COPG1: variants seen among roughly 807,000 people sequenced by gnomAD.
The protein encoded by COPG1 is coat protein complex I subunit gamma 1.
COPG1 carries 29 observed loss-of-function variants against 102.8 expected under a neutral mutation model. The ratio of observed to expected loss-of-function variants is 0.28; its 90% CI spans 0.21 to 0.38. The LOEUF is 0.38. COPG1 is among the 10% of genes least tolerant of loss of function. COPG1 has a pLI of 1.00. For missense variants in COPG1, 875 were observed against 1,132.7 expected, an observed-to-expected ratio of 0.77 and a Z score of 3.27; for synonymous variants, 406 against 421.6, an observed-to-expected ratio of 0.96 and a Z score of 0.45.
In COPG1 at chr3:129,274,866, A is replaced by G; in HGVS notation, c.2285A>G (p.Asp762Gly). The G allele has an allele frequency of 6.2e-7, 1 of 1,614,174 alleles. No individual in the cohort carries two copies. Among genetic ancestry groups the G allele is most frequent in the Non-Finnish European group, 8.5e-7 (1 of 1,180,016 alleles). ...VLEDLEVTVA[D>G]HIQKVMKLNF... ...GAAGATCTGGAAGTTACTGTAGCTG[A>G]TCACATTCAAAAGGTCATGAAACTG... Residue 762 changes from aspartate (D) to glycine (G), a missense_variant, in exon 22 of 24, where the codon GAT becomes GGT. By Grantham distance (94) the Asp-to-Gly change is moderately conservative (BLOSUM62 -1). Coordinates refer to ENST00000314797, the MANE Select transcript of COPG1 (RefSeq NM_016128.4).
intron 14 of COPG1, among the ~76,000 whole-genome samples, chr3:129,266,639 G>A (rs1355607661): frequency 6.6e-6 from 1 of 152,006 alleles, no homozygotes; most frequent in Non-Finnish European, 1.5e-5. Context: ...TTAAGTAATT[G>A]TTCCCTTTCT....
At position 129,275,108 on chromosome 3, in the gene COPG1, T is replaced by G; in HGVS notation, c.2396-86T>G. On this transcript the variant is annotated intron_variant, in intron 22 of 23. Coordinates refer to ENST00000314797, the MANE Select transcript of COPG1 (RefSeq NM_016128.4). The surrounding 1 kb of genome is among the most constrained non-coding windows in gnomAD (Gnocchi z 5.0). ...AGCACATATGTCAAATGCCACTTCA[T>G]TAAAAGCCCTTCAGAACATGGGGGA... The G allele has an allele frequency of 2.0e-6, 3 of 1,506,290 alleles. No individual in the cohort carries two copies. The highest frequency in any genetic ancestry group is 2.8e-6 in the Non-Finnish European group (3 of 1,086,950). The allele number at this position is 1,506,290 out of a possible 1,614,324, so 93.3% of individuals were successfully genotyped here.
chr3:129,260,373 C>T lies in COPG1; in HGVS notation c.912C>T (p.Arg304=), dbSNP rs746062966. ...LFCSSPKAAL[R]YAAVRTLNKV... is the part of the protein sequence containing the mutation. ...GCAGCTCACCCAAGGCTGCTCTCCG[C>T]TATGCTGCTGTTCGTACCCTCAATA... The change falls in exon 11 of 24, where the codon CGC becomes CGT. Residue 304 remains arginine, a synonymous_variant. Coordinates refer to ENST00000314797, the MANE Select transcript of COPG1 (RefSeq NM_016128.4). 1.2e-6 allele frequency: 2 copies of T among 1,614,180 alleles called. No individual in the cohort carries two copies. Among genetic ancestry groups the T allele is most frequent in the Non-Finnish European group, 1.7e-6 (2 of 1,180,016 alleles).
chr3:129,270,115 CT>C (rs1381025071), intron 18 of COPG1, among the ~76,000 whole-genome samples: 1 of 150,096 alleles, frequency 6.7e-6, no homozygotes, highest in Non-Finnish European at 1.5e-5. Flanking sequence ...CTGGCCCCCC[CT>C]GGATAATCCA....
intron 5 of COPG1, chr3:129,253,196 C>T (rs1939735966): frequency 4.4e-6 from 2 of 454,850 alleles, no homozygotes; most frequent in Non-Finnish European, 8.0e-6. Context: ...TCAACCAAAC[C>T]AGCTTAGAAC....
At chr3:129,263,851 T>TCACC in intron 12 of COPG1, 53 bp from the exon 13 acceptor site, 1 of 1,506,492 alleles carries the variant, frequency 6.6e-7, no homozygotes, top group Non-Finnish European at 9.2e-7. Context: ...GGGAACTGAG[T>TCACC]CACCCCATCT....
At chr3:129,254,839 AG>A in intron 6 of COPG1, 96 bp downstream of exon 6, 1 of 1,271,938 alleles carries the variant, frequency 7.9e-7, no homozygotes, top group Non-Finnish European at 1.1e-6. Context: ...TCACTGAGCC[AG>A]GTGATGTGGG....
chr3:129,272,644 C>T (rs748088702), intron 20 of COPG1, among the ~76,000 whole-genome samples, 163 bp from the exon 21 acceptor site: 1 of 152,044 alleles, frequency 6.6e-6, no homozygotes, highest in African/African-American at 2.4e-5. Flanking sequence ...AAGGTGGCAC[C>T]CTCTGTCCAG....
At chr3:129,261,590 T>C (rs1396704107) in intron 12 of COPG1, among the ~76,000 whole-genome samples, 1 of 152,052 alleles carries the variant, frequency 6.6e-6, no homozygotes, top group Non-Finnish European at 1.5e-5. Flanking sequence ...CAAAGAAATA[T>C]ACTGAGAAGT....
chr3:129,272,766 G>A lies in COPG1; in HGVS notation c.2159-41G>A, dbSNP rs1267950668. On this transcript the variant is annotated intron_variant, in intron 20 of 23. Coordinates refer to ENST00000314797, the MANE Select transcript of COPG1 (RefSeq NM_016128.4). ...CTGCAGGAGGAGCCCATCCCCTGCA[G>A]GCTGGGGACATCCTAACTACCCAGC... 6.7e-6 allele frequency: 9 copies of A among 1,347,546 alleles called. No individual in the cohort carries two copies. The Admixed American group carries it at 6.8e-5, about 10-fold the overall frequency. The allele number at this position is 1,347,546 out of a possible 1,614,324, so 83.5% of individuals were successfully genotyped here.
rs1940240653 is a variant in COPG1 at position 129,275,079 on chromosome 3, C to A, written c.2395+103C>A. Reference sequence around the variant, plus strand: ...TCTCTCCAAGGATCCAGGGCCATGTCTGGAGCACATATGTCAAATGCCACT... The same window carrying A: ...TCTCTCCAAGGATCCAGGGCCATGTATGGAGCACATATGTCAAATGCCACT... On this transcript the variant is annotated intron_variant, in intron 22 of 23. Coordinates refer to ENST00000314797, the MANE Select transcript of COPG1 (RefSeq NM_016128.4). This position sits in a 1 kb window ranked among gnomAD's most constrained non-coding sequence, Gnocchi z 5.0. 1 of 1,512,206 alleles carries A rather than the reference C, an allele frequency of 6.6e-7. No individual in the cohort carries two copies. The highest frequency in any genetic ancestry group is 1.2e-5 in the South Asian group (1 of 85,956). 93.7% of individuals were successfully genotyped at this position (1,512,206 alleles called of 1,614,324 possible).
chr3:129,253,696 TA>T (rs1277938938), intron 5 of COPG1, among the ~76,000 whole-genome samples: 1 of 152,108 alleles, frequency 6.6e-6, no homozygotes, highest in Admixed American at 6.6e-5. Context: ...TAAGAAATAG[TA>T]GGACAGGACA....
rs758107103 is a variant in COPG1, at chr3:129,272,320, A to T, written c.2063A>T (p.Glu688Val). ...TVQMEPTEAY[E>V]VLCYVPARSL... is the part of the protein sequence containing the mutation. ...CAGATGGAGCCCACTGAGGCCTATG[A>T]GGTGCTCTGTTACGTGCCTGCCCGG... The change falls in exon 20 of 24, where the codon GAG (glutamate) becomes GTG (valine). Residue 688 changes from glutamate to valine, a missense_variant. Coordinates refer to ENST00000314797, the MANE Select transcript of COPG1 (RefSeq NM_016128.4). 29 of 1,613,982 alleles carry T rather than the reference A, an allele frequency of 1.8e-5. No homozygotes were observed. Among genetic ancestry groups the T allele is most frequent in the Non-Finnish European group, 2.5e-5 (29 of 1,179,874 alleles).
chr3:129,257,968 G>A (rs949090927), intron 10 of COPG1, 108 bp downstream of exon 10: 2 of 1,428,020 alleles, frequency 1.4e-6, no homozygotes, highest in African/African-American at 2.8e-5. Flanking sequence ...CAAGTGTTAA[G>A]GAGTCTGTAC....
rs139016263 is a variant in COPG1, at chr3:129,254,716, C to T, written c.372C>T (p.Ala124=). 776 of 1,614,104 alleles carry T rather than the reference C, an allele frequency of 4.8e-4. 9 individuals are homozygous for T. The East Asian group carries it at 0.015, about 32-fold the overall frequency. The change falls in exon 6 of 24, where the codon GCC becomes GCT. Residue 124 remains alanine, a synonymous_variant. Coordinates refer to ENST00000314797, the MANE Select transcript of COPG1 (RefSeq NM_016128.4). ...AAGAAGACAACTACCGGGGCCCGGCCGTGCGAGCCCTCTGCCAGATCACTG... is the reference window on the plus strand; with the variant it reads ...AAGAAGACAACTACCGGGGCCCGGCTGTGCGAGCCCTCTGCCAGATCACTG... The part of the protein sequence containing the change: ...TGKEDNYRGP[A]VRALCQITDS...
chr3:129,269,008 A>G lies in COPG1; in HGVS notation c.1843+8A>G. ...GGCAGGAGATCTTCCAGGGTGAGTCACAGTGGTTGGGGGATGCTTGGGACC... is the reference window on the plus strand; with the variant it reads ...GGCAGGAGATCTTCCAGGGTGAGTCGCAGTGGTTGGGGGATGCTTGGGACC... On this transcript the variant is annotated splice_region_variant and intron_variant, in intron 18 of 23. Transcript: ENST00000314797. 3 of 1,613,708 alleles carry G rather than the reference A, an allele frequency of 1.9e-6. No homozygotes were observed. The highest frequency in any genetic ancestry group is 2.2e-5 in the South Asian group (2 of 91,074).
At position 129,277,601 on chromosome 3, in the gene COPG1, C is replaced by T. The variant is rs1174333672; in HGVS notation, c.*177C>T. 195 of 302,526 alleles carry T rather than the reference C, an allele frequency of 6.4e-4. No individual in the cohort carries two copies. Among genetic ancestry groups the T allele is most frequent in the Middle Eastern group, 1.0e-3 (1 of 962 alleles). 18.7% of individuals were successfully genotyped at this position (302,526 alleles called of 1,614,324 possible). ...CCCACCCGGGACTACTTGCTGGTGA[C>T]TTTTTTTTTTTTTTTTTTTAAATAG... On this transcript the variant is annotated 3_prime_UTR_variant, in exon 24 of 24. Coordinates refer to ENST00000314797, the MANE Select transcript of COPG1 (RefSeq NM_016128.4).
At position 129,277,601 on chromosome 3, in the gene COPG1, C is replaced by CT. The variant is rs35073725; in HGVS notation, c.*196dup. ...CCCACCCGGGACTACTTGCTGGTGACTTTTTTTTTTTTTTTTTTTAAATAG... is the reference window on the plus strand; with the variant it reads ...CCCACCCGGGACTACTTGCTGGTGACTTTTTTTTTTTTTTTTTTTTAAATAG... On this transcript the variant is annotated 3_prime_UTR_variant, in exon 24 of 24. Coordinates refer to ENST00000314797, the MANE Select transcript of COPG1 (RefSeq NM_016128.4). 120,545 of 301,052 alleles carry CT rather than the reference C, an allele frequency of 0.4. 19,582 individuals are homozygous for CT. The highest frequency in any genetic ancestry group is 0.49 in the East Asian group (7,412 of 15,018). The allele number at this position is 301,052 out of a possible 1,614,324, so 18.6% of individuals were successfully genotyped here.
chr3:129,263,305 G>A (rs1226813748), intron 12 of COPG1, among the ~76,000 whole-genome samples: 1 of 152,038 alleles, frequency 6.6e-6, no homozygotes, highest in African/African-American at 2.4e-5. Flanking sequence ...GAGGGAGGGG[G>A]AAGGAGATGG....
Sources: allele counts gnomAD v4.1 joint callset (sites outside exome capture counted in the v4.1 genomes callset), GRCh38; gene constraint gnomAD v4.1.1; non-coding constraint Gnocchi (gnomAD v3.1); transcripts MANE v1.5; gene names NCBI Gene and HGNC (gene_info 2026-07-23, HGNC 2026-07-21).